RSF1: variants seen among roughly 807,000 people sequenced by gnomAD.
RSF1 encodes HBV pX-associated protein 8.
A neutral mutation model predicts 145.2 loss-of-function variants in RSF1; 13 were observed. That is an observed-to-expected ratio of 0.09 (90% confidence interval 0.06 to 0.14). RSF1 has a LOEUF of 0.14. RSF1 is among the 10% of genes least tolerant of loss of function. The pLI is 1.00. For synonymous variants in RSF1, 577 were observed against 592.6 expected (o/e 0.97, Z 0.38); for missense variants, 1,517 against 1,718.2 (o/e 0.88, Z 2.07).
Position 77,701,491 on chromosome 11 carries a change from G to A in RSF1, c.1738C>T (p.Pro580Ser). The A allele has an allele frequency of 4.3e-6, 7 of 1,614,094 alleles. No individual in the cohort carries two copies. Among genetic ancestry groups the A allele is most frequent in the Non-Finnish European group, 5.9e-6 (7 of 1,180,010 alleles). ...SPKTKKDKRP[P>S]ILECLEKLEK... ...AACTTTTCAAGACATTCTAGGATTG[G>A]TGGGCGCTTATCCTTCTTAGTTTTG... Residue 580 changes from proline to serine, a missense_variant, in exon 6 of 16, where the codon CCA becomes TCA. Physicochemically the swap from Pro to Ser is moderately conservative, Grantham distance 74 (BLOSUM62 -1). Around this residue, in one of 12 missense-constraint regions of RSF1, gnomAD observed 579 missense variants for 553.5 expected, o/e 1.05. Transcript: ENST00000308488.
At chr11:77,766,691 A>T (rs1464577242) in intron 1 of RSF1, among the ~76,000 whole-genome samples, 1 of 152,232 alleles carries the variant, frequency 6.6e-6, no homozygotes, top group Non-Finnish European at 1.5e-5. Flanking sequence ...GGACATAGAT[A>T]ATTACAGCCT....
intron 6 of RSF1, among the ~76,000 whole-genome samples, chr11:77,699,421 G>GAAACTTAAAA (rs56123703): frequency 1 from 151,983 of 152,212 alleles, 75,877 homozygotes; most frequent in East Asian, 1. Flanking sequence ...AACAAAAGAA[G>GAAACTTAAAA]AAAACATTAA....
At chr11:77,777,370 T>A (rs1028120697) in intron 1 of RSF1, among the ~76,000 whole-genome samples, 29 of 152,054 alleles carry the variant, frequency 1.9e-4, no homozygotes, top group Admixed American at 7.2e-4. Flanking sequence ...AGCGGGTGGA[T>A]CCCCTGAGGT....
chr11:77,868,259 G>A, the RSF1 span, among the ~76,000 whole-genome samples: 2 of 150,598 alleles, frequency 1.3e-5, no homozygotes, highest in Non-Finnish European at 2.9e-5. Flanking sequence ...GTTTCACCGT[G>A]TTAGCCAGGA....
At chr11:77,820,427 C>T in intron 1 of RSF1, 101 bp downstream of exon 1, 1 of 1,249,856 alleles carries the variant, frequency 8.0e-7, no homozygotes, top group East Asian at 2.6e-5. Context: ...AAGACAGAGC[C>T]GCGGAGGCCC....
intron 2 of RSF1, 29 bp from the exon 3 acceptor site, chr11:77,747,157 A>G: frequency 7.4e-7 from 1 of 1,353,708 alleles, no homozygotes; most frequent in Non-Finnish European, 1.1e-6. Context: ...ATCTTAATAC[A>G]TGAAAGCAAT....
chr11:77,724,294 C>T (rs774314756), intron 5 of RSF1, among the ~76,000 whole-genome samples: 1 of 152,114 alleles, frequency 6.6e-6, no homozygotes, highest in Non-Finnish European at 1.5e-5. Flanking sequence ...TAAAATGATG[C>T]AACTGCTGTG....
intron 15 of RSF1, among the ~76,000 whole-genome samples, chr11:77,671,756 T>A (rs1959557736): frequency 6.6e-6 from 1 of 151,462 alleles, no homozygotes; most frequent in Non-Finnish European, 1.5e-5. Context: ...TGCCTCAACC[T>A]CCTGAGTAGC....
At chr11:77,671,154 T>A (rs1297997623) in intron 15 of RSF1, among the ~76,000 whole-genome samples, 13 of 58,588 alleles carry the variant, frequency 2.2e-4, no homozygotes, top group African/African-American at 3.4e-4. Context: ...TATATATATA[T>A]ATATATATAT....
At chr11:77,858,176 G>A in the RSF1 span, among the ~76,000 whole-genome samples, 1 of 143,726 alleles carries the variant, frequency 7.0e-6, no homozygotes. Context: ...GTGCCACCAT[G>A]CCTGGCTAAT....
At chr11:77,817,282 G>A (rs1049489700) in intron 1 of RSF1, among the ~76,000 whole-genome samples, 3 of 152,190 alleles carry the variant, frequency 2.0e-5, no homozygotes, top group African/African-American at 7.2e-5. Flanking sequence ...CTTGTGAAAT[G>A]TGTATTACTG....
At position 77,820,569 on chromosome 11, in the gene RSF1, C is replaced by T. The variant is rs1948858850; in HGVS notation, c.146G>A (p.Arg49Gln). The T allele has an allele frequency of 1.7e-5, 26 of 1,555,492 alleles. No homozygotes were observed. The highest frequency in any genetic ancestry group is 2.3e-5 in the Non-Finnish European group (26 of 1,150,800). Reference sequence around the variant, plus strand: ...GTCCGGCGGCGGCGCCTGCAGCACCCGCTCCAGCTCAGGGAACGGCAACTC... The same window carrying T: ...GTCCGGCGGCGGCGCCTGCAGCACCTGCTCCAGCTCAGGGAACGGCAACTC... ...LPELPFPELERVLQAPPPDVG... is the reference protein window; with the variant it reads ...LPELPFPELEQVLQAPPPDVG... The change falls in exon 1 of 16, where the codon CGG becomes CAG. Residue 49 changes from arginine (R) to glutamine (Q), a missense_variant. By Grantham distance (43) the Arg-to-Gln change is conservative (BLOSUM62 1). This residue lies in a region of RSF1 where 85 missense variants were observed against 91.8 expected (regional missense o/e 0.93). Coordinates refer to ENST00000308488, the MANE Select transcript of RSF1 (RefSeq NM_016578.4).
the RSF1 span, among the ~76,000 whole-genome samples, chr11:77,835,922 A>C: frequency 7.2e-5 from 11 of 152,064 alleles, no homozygotes; most frequent in Non-Finnish European, 1.5e-4. Flanking sequence ...AAGAAAAAAA[A>C]AATAATAATA....
At chr11:77,786,188 C>T (rs1948455075) in intron 1 of RSF1, among the ~76,000 whole-genome samples, 1 of 151,988 alleles carries the variant, frequency 6.6e-6, no homozygotes, top group Admixed American at 6.6e-5. Flanking sequence ...ACTAAAAATC[C>T]TGACATTTAC....
chr11:77,804,251 T>G (rs1948655298), intron 1 of RSF1, among the ~76,000 whole-genome samples: 1 of 152,228 alleles, frequency 6.6e-6, no homozygotes, highest in African/African-American at 2.4e-5. Flanking sequence ...GTATCCTTTA[T>G]AATAAAGCCA....
At chr11:77,727,837 C>T (rs1199331472) in intron 4 of RSF1, among the ~76,000 whole-genome samples, 1 of 152,102 alleles carries the variant, frequency 6.6e-6, no homozygotes, top group South Asian at 2.1e-4. Flanking sequence ...TAAAGAACAA[C>T]TCCCTAAAAG....
At chr11:77,800,051 G>T (rs1185923306) in intron 1 of RSF1, among the ~76,000 whole-genome samples, 1 of 152,128 alleles carries the variant, frequency 6.6e-6, no homozygotes, top group Non-Finnish European at 1.5e-5. Context: ...AGGCTAATGT[G>T]TGAGGATCAC....
At chr11:77,862,308 G>A in the RSF1 span, among the ~76,000 whole-genome samples, 1 of 152,184 alleles carries the variant, frequency 6.6e-6, no homozygotes, top group African/African-American at 2.4e-5. Flanking sequence ...TGGCGTTAGT[G>A]TCTGATTTAG....
intron 13 of RSF1, among the ~76,000 whole-genome samples, chr11:77,676,122 G>T (rs1959694531): frequency 6.6e-6 from 1 of 152,040 alleles, no homozygotes; most frequent in Admixed American, 6.6e-5. Context: ...TTCTTATCCT[G>T]CTTTTAGTCT....
Sources: gnomAD v4.1 joint callset for allele counts (sites outside exome capture counted in the v4.1 genomes callset) on GRCh38, gnomAD v4.1.1 for gene constraint, gnomAD v4.1.1 regional missense constraint, MANE v1.5 for transcripts, NCBI Gene and HGNC (gene_info 2026-07-23, HGNC 2026-07-21) for gene names.